The following FIGN variants were observed in gnomAD, a reference collection of about 807,000 sequenced individuals.
FIGN encodes fidgetin.
A neutral mutation model predicts 51.3 loss-of-function variants in FIGN; 11 were observed. The ratio of observed to expected loss-of-function variants is 0.21; its 90% CI spans 0.13 to 0.35. FIGN has a LOEUF of 0.35. Ranked by LOEUF, FIGN falls within the 10% of genes least tolerant of loss-of-function variation. The pLI is 1.00. For missense variants in FIGN, 857 were observed against 943.6 expected, an observed-to-expected ratio of 0.91 and a Z score of 1.20; for synonymous variants, 407 against 363.2, an observed-to-expected ratio of 1.12 and a Z score of -1.37.
At chr2:163,707,216 G>A (rs759976186) in intron 2 of FIGN, among the ~76,000 whole-genome samples, 2 of 152,088 alleles carry the variant, frequency 1.3e-5, no homozygotes, top group Non-Finnish European at 2.9e-5. Context: ...GGGTATGGTG[G>A]CATGTGCCTG....
At position 163,611,360 on chromosome 2, in the gene FIGN, G is replaced by T; in HGVS notation, c.472C>A (p.Leu158Met). The T allele has an allele frequency of 6.2e-7, 1 of 1,614,160 alleles. No homozygotes were observed. Among genetic ancestry groups the T allele is most frequent in the Non-Finnish European group, 8.5e-7 (1 of 1,180,036 alleles). ...CTACTTGAATAACTAGGTTCTGTCA[G>T]GTTGCTGGCTACCCCAGGAGAGCTT... ...IGSSPGVASN[L>M]TEPSYSSSTC... The change falls in exon 3 of 3, where the codon CTG (leucine) becomes ATG (methionine). Residue 158 changes from leucine to methionine, a missense_variant. Physicochemically the swap from Leu to Met is conservative, Grantham distance 15 (BLOSUM62 2). Transcript: ENST00000333129.
At chr2:163,657,913 C>T (rs2105325319) in intron 2 of FIGN, among the ~76,000 whole-genome samples, 1 of 152,180 alleles carries the variant, frequency 6.6e-6, no homozygotes, top group Non-Finnish European at 1.5e-5. Context: ...CTCACTTTCC[C>T]AGGTTTAATA....
intron 2 of FIGN, among the ~76,000 whole-genome samples, chr2:163,698,277 T>C (rs1445701298): frequency 2.0e-5 from 3 of 152,120 alleles, no homozygotes; most frequent in Admixed American, 1.3e-4. Flanking sequence ...ACACTTTCAA[T>C]AAATTATTGA....
At chr2:163,655,786 C>CACACACAA (rs1491102152) in intron 2 of FIGN, among the ~76,000 whole-genome samples, 1 of 127,872 alleles carries the variant, frequency 7.8e-6, no homozygotes, top group Non-Finnish European at 1.5e-5. Flanking sequence ...CACACACACG[C>CACACACAA]ACACACACAC....
At chr2:163,679,670 AG>A (rs1272815076) in intron 2 of FIGN, among the ~76,000 whole-genome samples, 1 of 152,194 alleles carries the variant, frequency 6.6e-6, no homozygotes, top group African/African-American at 2.4e-5. Flanking sequence ...TATGAGAAGC[AG>A]GGAGGTTTAA....
chr2:163,665,536 CT>C (rs1333414190), intron 2 of FIGN, among the ~76,000 whole-genome samples: 1 of 152,188 alleles, frequency 6.6e-6, no homozygotes, highest in Non-Finnish European at 1.5e-5. Context: ...TAAATGTTTC[CT>C]TCAAAACACA....
intron 2 of FIGN, among the ~76,000 whole-genome samples, chr2:163,668,873 G>A (rs1159116481): frequency 4.6e-5 from 7 of 151,956 alleles, no homozygotes; most frequent in South Asian, 2.1e-4. Context: ...CCCGGGAGGC[G>A]GAGCTTGCAG....
intron 2 of FIGN, among the ~76,000 whole-genome samples, chr2:163,733,608 T>G (rs573444699): frequency 2.2e-4 from 34 of 152,310 alleles, no homozygotes; most frequent in Admixed American, 1.2e-3. Flanking sequence ...CAGGGCAAAT[T>G]ATGTGCATCT....
chr2:163,613,287 CA>C (rs1682802090), intron 2 of FIGN, among the ~76,000 whole-genome samples: 1 of 151,970 alleles, frequency 6.6e-6, no homozygotes. Context: ...TTGTATTACC[CA>C]AAGTGAATTT....
intron 2 of FIGN, among the ~76,000 whole-genome samples, chr2:163,701,748 C>T (rs976381511): frequency 3.3e-5 from 5 of 152,152 alleles, no homozygotes; most frequent in Admixed American, 3.3e-4. Context: ...ATTATTGTTA[C>T]AAATGTCCCC....
At chr2:163,667,023 A>G (rs1359197695) in intron 2 of FIGN, among the ~76,000 whole-genome samples, 6 of 152,094 alleles carry the variant, frequency 3.9e-5, no homozygotes, top group African/African-American at 1.2e-4. Flanking sequence ...TATCAAATGA[A>G]TGCTATTCCC....
chr2:163,617,761 C>A (rs1682903917), intron 2 of FIGN, among the ~76,000 whole-genome samples: 1 of 152,046 alleles, frequency 6.6e-6, no homozygotes, highest in South Asian at 2.1e-4. Flanking sequence ...GTTGCTTAAG[C>A]ACATCATACT....
At chr2:163,723,511 G>C (rs1282988798) in intron 2 of FIGN, among the ~76,000 whole-genome samples, 1 of 152,046 alleles carries the variant, frequency 6.6e-6, no homozygotes, top group African/African-American at 2.4e-5. Flanking sequence ...TCCTAATTAG[G>C]GTGCCTCAAA....
intron 2 of FIGN, among the ~76,000 whole-genome samples, chr2:163,679,284 G>A (rs1684020550): frequency 6.6e-6 from 1 of 152,016 alleles, no homozygotes; most frequent in African/African-American, 2.4e-5. Flanking sequence ...ACGAGGTCAG[G>A]AGATCAAGAC....
intron 2 of FIGN, among the ~76,000 whole-genome samples, chr2:163,687,664 C>T (rs552483667): frequency 6.6e-6 from 1 of 152,244 alleles, no homozygotes; most frequent in African/African-American, 2.4e-5. Flanking sequence ...ATTAAGTACA[C>T]GTTTACCTAG....
rs564667444 is a variant in FIGN, at chr2:163,604,394, C to A, written c.*5158G>T. 6.6e-5 allele frequency: 10 copies of A among 152,132 alleles called. No individual in the cohort carries two copies. In the South Asian group the frequency reaches 1.0e-3, roughly 16 times the overall value. The allele number at this position is 152,132 out of a possible 1,614,324, so 9.4% of individuals were successfully genotyped here. A position where few individuals can be genotyped will look rare whatever the true frequency, so the allele number is the denominator to read the frequency against. ...TGAAGACCTACACAGTGCATAATTT[C>A]TTTTAAGTTCTTTTAAGCAGTCTTG... On this transcript the variant is annotated 3_prime_UTR_variant, in exon 3 of 3. Coordinates refer to ENST00000333129, the MANE Select transcript of FIGN (RefSeq NM_018086.4).
chr2:163,657,812 T>C (rs914890196), intron 2 of FIGN, among the ~76,000 whole-genome samples: 4 of 152,120 alleles, frequency 2.6e-5, no homozygotes, highest in African/African-American at 9.7e-5. Flanking sequence ...TAGTGCACAA[T>C]GTATTCAATT....
At chr2:163,706,260 A>G (rs956868898) in intron 2 of FIGN, among the ~76,000 whole-genome samples, 2 of 152,160 alleles carry the variant, frequency 1.3e-5, no homozygotes, top group Non-Finnish European at 2.9e-5. Flanking sequence ...TATTATTTCT[A>G]AATGGGTTCT....
chr2:163,676,089 C>A lies in FIGN; in HGVS notation c.25+58814G>T, dbSNP rs564335827. ...TCAATGCCAGTGTGGAATCAAATTG[C>A]CATTTACAATAATAGAAGACTTAAG... On this transcript the variant is annotated intron_variant, in intron 2 of 2. Coordinates refer to ENST00000333129, the MANE Select transcript of FIGN (RefSeq NM_018086.4). 3.2e-3 allele frequency among the ~76,000 whole-genome samples: 490 copies of A among 151,422 alleles called. 3 individuals carry two copies. The highest frequency in any genetic ancestry group is 0.012 in the African/African-American group (478 of 41,406).
Sources: gnomAD v4.1 joint callset for allele counts (sites outside exome capture counted in the v4.1 genomes callset) on GRCh38, gnomAD v4.1.1 for gene constraint, MANE v1.5 for transcripts, NCBI Gene and HGNC (gene_info 2026-07-23, HGNC 2026-07-21) for gene names.